The following SHISA9 variants were observed in gnomAD, a reference collection of about 807,000 sequenced individuals.
SHISA9 encodes the protein shisa family member 9.
A neutral mutation model predicts 38.0 loss-of-function variants in SHISA9; 13 were observed. The observed-to-expected ratio is 0.34, with a 90% confidence interval of 0.22 to 0.54. The LOEUF is 0.54. SHISA9 is among the 20% of genes least tolerant of loss of function. The pLI is 0.91. For missense variants in SHISA9, 538 were observed against 575.8 expected (o/e 0.93, Z 0.67); for synonymous variants, 275 against 242.0 (o/e 1.14, Z -1.27).
the SHISA9 span, among the ~76,000 whole-genome samples, chr16:13,380,418 A>G: frequency 3.9e-5 from 6 of 152,202 alleles, no homozygotes; most frequent in Non-Finnish European, 5.9e-5. Context: ...GGAAATCAGT[A>G]TGACATTGGA....
intron 4 of SHISA9, among the ~76,000 whole-genome samples, chr16:13,218,847 G>C (rs563591796): frequency 2.0e-5 from 3 of 152,164 alleles, no homozygotes; most frequent in Non-Finnish European, 4.4e-5. Flanking sequence ...AGTTCCATTG[G>C]AGTGCATGCA....
At chr16:13,037,134 A>ACG (rs1303417058) in intron 2 of SHISA9, among the ~76,000 whole-genome samples, 1 of 149,450 alleles carries the variant, frequency 6.7e-6, no homozygotes, top group Non-Finnish European at 1.5e-5. Context: ...ACACACACAC[A>ACG]CACACACACA....
chr16:13,371,895 C>A, the SHISA9 span, among the ~76,000 whole-genome samples: 1 of 152,240 alleles, frequency 6.6e-6, no homozygotes, highest in African/African-American at 2.4e-5. Context: ...GACCAGGATT[C>A]CAACTTGACT....
At chr16:13,485,894 A>T in the SHISA9 span, among the ~76,000 whole-genome samples, 1 of 152,244 alleles carries the variant, frequency 6.6e-6, no homozygotes, top group Admixed American at 6.5e-5. Flanking sequence ...TGAGATGTTT[A>T]TCTCTCTTTA....
the SHISA9 span, among the ~76,000 whole-genome samples, chr16:13,521,038 T>C: frequency 0.058 from 8,895 of 152,268 alleles, 567 homozygotes; most frequent in African/African-American, 0.16. Context: ...TCTCTGTGCA[T>C]GTTCTGCCCT....
intron 2 of SHISA9, among the ~76,000 whole-genome samples, chr16:13,151,255 C>T (rs988505219): frequency 1.3e-5 from 2 of 152,162 alleles, no homozygotes; most frequent in South Asian, 2.1e-4. Context: ...TTCAGGCGCC[C>T]GCCACCACAC....
At chr16:12,943,350 A>T (rs1290610923) in intron 2 of SHISA9, among the ~76,000 whole-genome samples, 7 of 47,882 alleles carry the variant, frequency 1.5e-4, no homozygotes, top group African/African-American at 1.7e-4. Flanking sequence ...AGAGAGAGAG[A>T]GAGAGAGAGA....
chr16:13,425,460 C>G, the SHISA9 span, among the ~76,000 whole-genome samples: 1 of 152,116 alleles, frequency 6.6e-6, no homozygotes, highest in African/African-American at 2.4e-5. Flanking sequence ...GCACTCCAGC[C>G]TGGGGGACAG....
intron 2 of SHISA9, among the ~76,000 whole-genome samples, chr16:12,966,763 T>G (rs895904102): frequency 6.6e-6 from 1 of 152,112 alleles, no homozygotes; most frequent in South Asian, 2.1e-4. Flanking sequence ...ACTGAGTAAA[T>G]GAATGAAAAG....
At chr16:12,906,971 G>C (rs1180768961) in intron 1 of SHISA9, among the ~76,000 whole-genome samples, 1 of 151,476 alleles carries the variant, frequency 6.6e-6, no homozygotes, top group Non-Finnish European at 1.5e-5. Flanking sequence ...TTAGTATTTT[G>C]TCATAGTTGC....
At chr16:13,104,708 G>A (rs989320633) in intron 2 of SHISA9, among the ~76,000 whole-genome samples, 9 of 152,140 alleles carry the variant, frequency 5.9e-5, no homozygotes, top group African/African-American at 2.2e-4. Flanking sequence ...TGGAGGTGAA[G>A]ATTAACAGCA....
chr16:13,462,537 A>T, the SHISA9 span, among the ~76,000 whole-genome samples: 1 of 151,996 alleles, frequency 6.6e-6, no homozygotes, highest in Non-Finnish European at 1.5e-5. Context: ...CAAAACTGCA[A>T]TGTAGGCTGG....
At chr16:13,555,547 G>A in the SHISA9 span, among the ~76,000 whole-genome samples, 1 of 152,324 alleles carries the variant, frequency 6.6e-6, no homozygotes, top group Non-Finnish European at 1.5e-5. Context: ...AAATGAGCAA[G>A]AGAGAGAACT....
At chr16:13,012,136 TC>T (rs57431848) in intron 2 of SHISA9, among the ~76,000 whole-genome samples, 1,670 of 152,222 alleles carry the variant, frequency 0.011, 26 homozygotes, top group African/African-American at 0.038. Flanking sequence ...CTTTTTTTTT[TC>T]TTATTTTTTA....
chr16:13,022,169 C>G (rs894712560), intron 2 of SHISA9, among the ~76,000 whole-genome samples: 1 of 151,992 alleles, frequency 6.6e-6, no homozygotes, highest in Non-Finnish European at 1.5e-5. Context: ...TTTATTTTTT[C>G]AAGTCAGAGT....
chr16:13,194,869 T>C (rs901496839), intron 2 of SHISA9, among the ~76,000 whole-genome samples: 4 of 152,166 alleles, frequency 2.6e-5, no homozygotes, highest in Non-Finnish European at 4.4e-5. Context: ...AAGTAACAAA[T>C]GGATGGTGGA....
intron 2 of SHISA9, among the ~76,000 whole-genome samples, chr16:13,026,837 C>G (rs906266886): frequency 1.3e-5 from 2 of 152,120 alleles, no homozygotes; most frequent in African/African-American, 4.8e-5. Context: ...AGCCATGATG[C>G]TTAGTATTAT....
chr16:13,495,208 TGTG>T, the SHISA9 span, among the ~76,000 whole-genome samples: 2 of 152,132 alleles, frequency 1.3e-5, no homozygotes, highest in African/African-American at 2.4e-5. Flanking sequence ...TATGCACACA[TGTG>T]GTAATACATG....
chr16:13,290,512 G>C, the SHISA9 span, among the ~76,000 whole-genome samples: 2 of 152,084 alleles, frequency 1.3e-5, no homozygotes, highest in Admixed American at 1.3e-4. Context: ...TGCCAATTAA[G>C]TAGTGATGAG....
Sources: gnomAD v4.1 joint callset for allele counts (sites outside exome capture counted in the v4.1 genomes callset) on GRCh38, gnomAD v4.1.1 for gene constraint, MANE v1.5 for transcripts, NCBI Gene and HGNC (gene_info 2026-07-23, HGNC 2026-07-21) for gene names.